Variants in LRP1 observed in about 807,000 individuals in gnomAD.
LRP1 encodes the protein LDL receptor related protein 1.
Under a neutral mutation model 541.5 loss-of-function variants are expected in LRP1, and 51 were observed. That is an observed-to-expected ratio of 0.09 (90% confidence interval 0.08 to 0.12). The LOEUF (loss-of-function observed/expected upper bound fraction) is 0.12, where lower values mean the gene tolerates loss of function less well. LRP1 is among the 10% of genes least tolerant of loss of function. LRP1 has a pLI of 1.00. For synonymous variants in LRP1, 2,219 were observed against 2,470.8 expected (o/e 0.90, Z 3.02); for missense variants, 3,878 against 6,376.2 (o/e 0.61, Z 13.34).
At chr12:57,180,260 A>G in intron 31 of LRP1, 70 bp from the exon 32 acceptor site, 1 of 1,593,992 alleles carries the variant, frequency 6.3e-7, no homozygotes, top group Admixed American at 1.7e-5. Context: ...GCCTGTTCTC[A>G]CCATCTGCTC....
intron 58 of LRP1, 78 bp from the exon 59 acceptor site, chr12:57,198,078 G>A: frequency 7.8e-7 from 1 of 1,280,012 alleles, no homozygotes; most frequent in Non-Finnish European, 1.1e-6. Context: ...TTACACGAGG[G>A]GAGGCTGAGC....
At chr12:57,175,293 G>A (rs892889487) in intron 22 of LRP1, among the ~76,000 whole-genome samples, 167 bp from the exon 23 acceptor site, 1 of 152,312 alleles carries the variant, frequency 6.6e-6, no homozygotes, top group Admixed American at 6.5e-5. Context: ...GGAAGTCCTG[G>A]GCTGAAGCTC....
intron 19 of LRP1, among the ~76,000 whole-genome samples, chr12:57,167,801 G>A (rs1254735352): frequency 6.6e-6 from 1 of 152,244 alleles, no homozygotes; most frequent in Non-Finnish European, 1.5e-5. Context: ...AGGGAGAGAT[G>A]AGTGAGATGG....
At chr12:57,146,454 A>G (rs1592608022) in intron 6 of LRP1, 1 of 152,184 alleles carries the variant, frequency 6.6e-6, no homozygotes, top group East Asian at 1.9e-4. Context: ...AGGACAGCAC[A>G]CTTTGAAGTT....
At chr12:57,195,506 C>T in intron 52 of LRP1, 107 bp downstream of exon 52, 4 of 1,571,062 alleles carry the variant, frequency 2.5e-6, no homozygotes, top group Non-Finnish European at 3.5e-6. Flanking sequence ...GCGGGGTCCA[C>T]TGGGGGCGGA....
chr12:57,140,811 C>G (rs1003184668), intron 2 of LRP1, among the ~76,000 whole-genome samples: 1 of 152,166 alleles, frequency 6.6e-6, no homozygotes, highest in Non-Finnish European at 1.5e-5. Context: ...CAGCTCACTG[C>G]AACTTCTGCC....
intron 77 of LRP1, chr12:57,208,452 G>A: frequency 3.3e-6 from 2 of 599,804 alleles, no homozygotes; most frequent in East Asian, 5.6e-5. Flanking sequence ...TTGGCCGGCT[G>A]TCATGCACAG....
chr12:57,170,013 T>C (rs1225927047), intron 20 of LRP1, among the ~76,000 whole-genome samples: 1 of 152,230 alleles, frequency 6.6e-6, no homozygotes, highest in Non-Finnish European at 1.5e-5. Context: ...GACCCAACTG[T>C]TGGCAGGGTG....
At position 57,201,054 on chromosome 12, in the gene LRP1, A is replaced by C; in HGVS notation, c.10246A>C (p.Ser3416Arg). Residue 3416 changes from serine to arginine, a missense_variant, in exon 65 of 89, where the codon AGT (serine) becomes CGT (arginine). By Grantham distance (110) the Ser-to-Arg change is moderately radical (BLOSUM62 -1). This residue lies in a region of LRP1 where 278 missense variants were observed against 536.3 expected (regional missense o/e 0.52). Coordinates refer to ENST00000243077, the MANE Select transcript of LRP1 (RefSeq NM_002332.3). This position sits in a 1 kb window ranked among gnomAD's most constrained non-coding sequence, Gnocchi z 6.4. ...ANCDIHVCLP[S>R]QFKCTNTNRC... Reference sequence around the variant, plus strand: ...CACAGACATCCACGTCTGCTTGCCCAGTCAGTTCAAATGCACCAACACCAA... The same window carrying C: ...CACAGACATCCACGTCTGCTTGCCCCGTCAGTTCAAATGCACCAACACCAA... 6.2e-7 allele frequency: 1 copy of C among 1,614,000 alleles called. No homozygotes were observed. Among genetic ancestry groups the C allele is most frequent in the Non-Finnish European group, 8.5e-7 (1 of 1,179,992 alleles).
rs763294610 is a variant in LRP1, at chr12:57,206,619, C to T, written c.11737C>T (p.Arg3913Cys). The T allele has an allele frequency of 6.8e-6, 11 of 1,614,046 alleles. No individual in the cohort carries two copies. Among genetic ancestry groups the T allele is most frequent in the Non-Finnish European group, 8.5e-6 (10 of 1,180,062 alleles). The change falls in exon 76 of 89, where the codon CGT becomes TGT. Residue 3913 changes from arginine to cysteine, a missense_variant. Physicochemically the swap from Arg to Cys is radical, Grantham distance 180. Coordinates refer to ENST00000243077, the MANE Select transcript of LRP1 (RefSeq NM_002332.3). This position sits in a 1 kb window ranked among gnomAD's most constrained non-coding sequence, Gnocchi z 4.7. Reference protein sequence around the residue: ...DAMDVHVKAGRVYWTNWHTGT... With the variant: ...DAMDVHVKAGCVYWTNWHTGT... ...TATGGATGTCCATGTCAAGGCTGGCCGTGTCTATTGGACCAACTGGCACAC... is the reference window on the plus strand; with the variant it reads ...TATGGATGTCCATGTCAAGGCTGGCTGTGTCTATTGGACCAACTGGCACAC...
intron 55 of LRP1, 51 bp downstream of exon 55, chr12:57,196,328 G>T: frequency 6.9e-7 from 1 of 1,451,146 alleles, no homozygotes; most frequent in East Asian, 2.5e-5. Flanking sequence ...TGCCAGGAAC[G>T]CCTTTCTCCA....
chr12:57,136,287 C>T (rs1237662127), intron 1 of LRP1, among the ~76,000 whole-genome samples: 9 of 151,970 alleles, frequency 5.9e-5, no homozygotes, highest in Non-Finnish European at 1.3e-4. Flanking sequence ...GTTTCCTGAA[C>T]TCGGTCATTT....
In LRP1 at chr12:57,212,789, G is replaced by T; in HGVS notation, c.*234G>T. ...CCCCATGCTGCCTTCAGGGAGACAG[G>T]CAGGGAGGGCTTGGGGCTGCACCTC... is the stretch of plus-strand genomic sequence containing the variant. On this transcript the variant is annotated 3_prime_UTR_variant, in exon 89 of 89. Transcript: ENST00000243077. This position sits in a 1 kb window ranked among gnomAD's most constrained non-coding sequence, Gnocchi z 5.0. 1 of 506,458 alleles carries T rather than the reference G, an allele frequency of 2.0e-6. No individual in the cohort carries two copies. The allele number at this position is 506,458 out of a possible 1,614,324, so 31.4% of individuals were successfully genotyped here.
Position 57,204,667 on chromosome 12 carries a change from G to T in LRP1, c.11112G>T (p.Lys3704Asn). 6.2e-7 allele frequency: 1 copy of T among 1,614,048 alleles called. No individual in the cohort carries two copies. Among genetic ancestry groups the T allele is most frequent in the Non-Finnish European group, 8.5e-7 (1 of 1,180,040 alleles). Residue 3704 changes from lysine (K) to asparagine (N), a missense_variant, in exon 72 of 89, where the codon AAG becomes AAT. Physicochemically the swap from Lys to Asn is moderately conservative, Grantham distance 94 (BLOSUM62 0). Around this residue, in one of 13 missense-constraint regions of LRP1, gnomAD observed 871 missense variants for 1,212.4 expected, o/e 0.72. Coordinates refer to ENST00000243077, the MANE Select transcript of LRP1 (RefSeq NM_002332.3). This position sits in a 1 kb window ranked among gnomAD's most constrained non-coding sequence, Gnocchi z 5.3. ...VCPPNRPFRC[K>N]NDRVCLWIGR... ...CTCCCAACCGGCCCTTCCGTTGCAA[G>T]AATGACCGCGTCTGTCTGTGGATCG...
In LRP1 at chr12:57,158,403, G is replaced by A. The variant is rs776841030; in HGVS notation, c.1563G>A (p.Lys521=). 2.5e-6 allele frequency: 4 copies of A among 1,604,768 alleles called. No homozygotes were observed. In the South Asian group the frequency reaches 3.3e-5, roughly 13 times the overall value. The change falls in exon 11 of 89, where the codon AAG becomes AAA. Residue 521 remains lysine (K), a splice_region_variant and synonymous_variant. Transcript: ENST00000243077. This position sits in a 1 kb window ranked among gnomAD's most constrained non-coding sequence, Gnocchi z 5.3. Reference sequence around the variant, plus strand: ...TACCCTGGCTTGTGCCTGCTCTAGAGCCGGAGCATGAGCTGTTCCTCGTGT... The same window carrying A: ...TACCCTGGCTTGTGCCTGCTCTAGAACCGGAGCATGAGCTGTTCCTCGTGT... ...SLGSDGKSCK[K]PEHELFLVYG...
At position 57,183,314 on chromosome 12, in the gene LRP1, G is replaced by T; in HGVS notation, c.5663-65G>T. On this transcript the variant is annotated intron_variant, in intron 34 of 88. Transcript: ENST00000243077. The surrounding 1 kb of genome is among the most constrained non-coding windows in gnomAD (Gnocchi z 6.1). Reference sequence around the variant, plus strand: ...AGGAGAAGCAGAGAACAGTTGGAGGGTGACAGGAACCAAGTTTAAGGGAGT... The same window carrying T: ...AGGAGAAGCAGAGAACAGTTGGAGGTTGACAGGAACCAAGTTTAAGGGAGT... 1 of 1,539,998 alleles carries T rather than the reference G, an allele frequency of 6.5e-7. No homozygotes were observed.
chr12:57,195,461 T>G (rs1344401407), intron 52 of LRP1, 62 bp downstream of exon 52: 6 of 1,589,356 alleles, frequency 3.8e-6, no homozygotes, highest in Non-Finnish European at 4.3e-6. Flanking sequence ...ACTTTGCAGA[T>G]GGGGAAGCCG....
At chr12:57,192,118 C>A (rs1157475610) in intron 44 of LRP1, among the ~76,000 whole-genome samples, 1 of 139,490 alleles carries the variant, frequency 7.2e-6, no homozygotes, top group African/African-American at 2.6e-5. Context: ...ACACACACAT[C>A]TCACAGACAT....
At chr12:57,181,087 C>T in intron 33 of LRP1, 70 bp from the exon 34 acceptor site, 1 of 1,566,812 alleles carries the variant, frequency 6.4e-7, no homozygotes, top group Non-Finnish European at 8.7e-7. Flanking sequence ...TTCTGAGCAG[C>T]CCAAGCCTGA....
Sources: allele counts gnomAD v4.1 joint callset (sites outside exome capture counted in the v4.1 genomes callset), GRCh38; gene constraint gnomAD v4.1.1; regional missense constraint gnomAD v4.1.1; non-coding constraint Gnocchi (gnomAD v3.1); transcripts MANE v1.5; gene names NCBI Gene and HGNC (gene_info 2026-07-23, HGNC 2026-07-21).